Variants in HEXB observed in about 807,000 individuals in gnomAD.
The protein encoded by HEXB is beta-hexosaminidase subunit beta.
Under a neutral mutation model 71.2 loss-of-function variants are expected in HEXB, and 51 were observed. The ratio of observed to expected loss-of-function variants is 0.72; its 90% CI spans 0.57 to 0.90. HEXB has a LOEUF of 0.90. Among genes scored for constraint, HEXB ranks in the 40% least tolerant of loss-of-function variants. The pLI, the probability that HEXB is intolerant of heterozygous loss-of-function variation, is 0.00. For missense variants in HEXB, 617 were observed against 677.0 expected, an observed-to-expected ratio of 0.91 and a Z score of 0.98; for synonymous variants, 266 against 249.3, an observed-to-expected ratio of 1.07 and a Z score of -0.63.
intron 10 of HEXB, among the ~76,000 whole-genome samples, 178 bp downstream of exon 10, chr5:74,718,541 A>C (rs1749731685): frequency 6.6e-6 from 1 of 152,224 alleles, no homozygotes; most frequent in Non-Finnish European, 1.5e-5. Context: ...TGCAAGTCTC[A>C]GCTTTAGTTA....
chr5:74,706,467 C>G (rs1749392113), intron 6 of HEXB, among the ~76,000 whole-genome samples: 1 of 152,228 alleles, frequency 6.6e-6, no homozygotes, highest in African/African-American at 2.4e-5. Context: ...TGCAGCGCAT[C>G]ATGCGCGAGC....
At chr5:74,713,773 C>T in intron 7 of HEXB, 138 bp downstream of exon 7, 2 of 719,312 alleles carry the variant, frequency 2.8e-6, no homozygotes, top group Non-Finnish European at 4.9e-6. Flanking sequence ...AAGCGATTCT[C>T]CTGCCTCAGC....
chr5:74,670,939 A>G (rs1293497742), intron 1 of HEXB, among the ~76,000 whole-genome samples: 3 of 152,164 alleles, frequency 2.0e-5, no homozygotes, highest in African/African-American at 7.2e-5. Flanking sequence ...CTGTACCAGA[A>G]TGCAGGCCGG....
intron 1 of HEXB, among the ~76,000 whole-genome samples, chr5:74,657,120 C>G (rs1429745270): frequency 6.6e-6 from 1 of 152,178 alleles, no homozygotes; most frequent in Non-Finnish European, 1.5e-5. Flanking sequence ...AACACAGAAC[C>G]TCCCAGACTG....
At chr5:74,677,399 T>C (rs1273853886) in intron 1 of HEXB, among the ~76,000 whole-genome samples, 8 of 152,112 alleles carry the variant, frequency 5.3e-5, no homozygotes. Context: ...AGGAGAAATA[T>C]GATAAATATC....
chr5:74,664,430 T>TAAAAAAAAAAA (rs397998152), intron 1 of HEXB, among the ~76,000 whole-genome samples: 1 of 79,664 alleles, frequency 1.3e-5, no homozygotes. Context: ...ATTCTATCTC[T>TAAAAAAAAAAA]AAAAAAAAAA....
chr5:74,687,429 T>C (rs551553479), intron 1 of HEXB, among the ~76,000 whole-genome samples: 10 of 152,374 alleles, frequency 6.6e-5, no homozygotes, highest in African/African-American at 2.2e-4. Flanking sequence ...GCAGAGAGTT[T>C]GGCTGTTAGA....
At chr5:74,670,796 C>T (rs1277200914) in intron 1 of HEXB, among the ~76,000 whole-genome samples, 1 of 152,150 alleles carries the variant, frequency 6.6e-6, no homozygotes, top group African/African-American at 2.4e-5. Flanking sequence ...TTGCAACACG[C>T]CTGGTCCAGC....
At chr5:74,648,405 T>A (rs1235737798) in intron 1 of HEXB, among the ~76,000 whole-genome samples, 1 of 152,184 alleles carries the variant, frequency 6.6e-6, no homozygotes, top group Admixed American at 6.5e-5. Context: ...GGAGGCACAC[T>A]CAAATAGTAC....
intron 1 of HEXB, among the ~76,000 whole-genome samples, chr5:74,655,678 A>G (rs1374084206): frequency 2.6e-5 from 4 of 152,124 alleles, no homozygotes; most frequent in African/African-American, 7.2e-5. Context: ...TTCTCCACAT[A>G]TATTTAGTGA....
chr5:74,640,903 G>T, intron 1 of HEXB: 1 of 152,946 alleles, frequency 6.5e-6, no homozygotes, highest in Non-Finnish European at 1.5e-5. Context: ...AGAGCGTGTC[G>T]GGGGAGTTAA....
rs1280765497 is a variant in HEXB at position 74,720,668 on chromosome 5, A to C, written c.1534A>C (p.Arg512=). The C allele has an allele frequency of 6.2e-7, 1 of 1,614,178 alleles. No individual in the cohort carries two copies. The highest frequency in any genetic ancestry group is 1.7e-5 in the Admixed American group (1 of 60,020). The change falls in exon 13 of 14, where the codon AGA becomes CGA. Residue 512 remains arginine (R), a synonymous_variant. Coordinates refer to ENST00000261416, the MANE Select transcript of HEXB (RefSeq NM_000521.4). ...LWPRASAVGE[R]LWSSKDVRDM... ...GCCTCGGGCAAGTGCTGTTGGTGAGAGACTCTGGAGTTCCAAAGATGTCAG... is the reference window on the plus strand; with the variant it reads ...GCCTCGGGCAAGTGCTGTTGGTGAGCGACTCTGGAGTTCCAAAGATGTCAG...
intron 5 of HEXB, among the ~76,000 whole-genome samples, chr5:74,702,023 T>A (rs1438720044): frequency 2.6e-5 from 4 of 151,578 alleles, no homozygotes; most frequent in Non-Finnish European, 5.9e-5. Context: ...TACTTGTATG[T>A]CTCTTTGGCC....
chr5:74,671,195 T>TA (rs1748531898), intron 1 of HEXB, among the ~76,000 whole-genome samples: 1 of 152,024 alleles, frequency 6.6e-6, no homozygotes, highest in Admixed American at 6.6e-5. Flanking sequence ...CCAAGACCCA[T>TA]AAAAATAATA....
intron 9 of HEXB, among the ~76,000 whole-genome samples, 169 bp from the exon 10 acceptor site, chr5:74,718,122 G>A (rs531716621): frequency 6.6e-6 from 1 of 152,302 alleles, no homozygotes; most frequent in South Asian, 2.1e-4. Flanking sequence ...TGCTAAAAAG[G>A]AGGAACTACT....
At chr5:74,691,318 G>T (rs901089698) in intron 2 of HEXB, among the ~76,000 whole-genome samples, 3 of 152,216 alleles carry the variant, frequency 2.0e-5, no homozygotes, top group Non-Finnish European at 4.4e-5. Context: ...TGCATGCCCT[G>T]AGAAGTGGAC....
At chr5:74,667,227 C>G (rs948044819) in intron 1 of HEXB, among the ~76,000 whole-genome samples, 6 of 150,310 alleles carry the variant, frequency 4.0e-5, no homozygotes, top group African/African-American at 1.5e-4. Flanking sequence ...CCAGCCTGAC[C>G]AAAATGGAGA....
At chr5:74,660,919 A>G (rs1748305893) in intron 1 of HEXB, among the ~76,000 whole-genome samples, 1 of 152,198 alleles carries the variant, frequency 6.6e-6, no homozygotes, top group African/African-American at 2.4e-5. Flanking sequence ...AAAAAGATCA[A>G]CTCGAGAAAG....
At chr5:74,721,097 C>T (rs992354118) in intron 13 of HEXB, 21 bp from the exon 14 acceptor site, 7 of 1,572,046 alleles carry the variant, frequency 4.5e-6, no homozygotes, top group Non-Finnish European at 5.3e-6. Context: ...TCTAAAATAT[C>T]TTTATTCATG....
Sources: gnomAD v4.1 joint callset for allele counts (sites outside exome capture counted in the v4.1 genomes callset) on GRCh38, gnomAD v4.1.1 for gene constraint, MANE v1.5 for transcripts, NCBI Gene and HGNC (gene_info 2026-07-23, HGNC 2026-07-21) for gene names.